The following PTGIS variants were observed in gnomAD, a reference collection of about 807,000 sequenced individuals.
PTGIS encodes prostacyclin synthase.
Under a neutral mutation model 50.3 loss-of-function variants are expected in PTGIS, and 45 were observed. The observed-to-expected ratio is 0.90, with a 90% CI of 0.70 to 1.15. The LOEUF (loss-of-function observed/expected upper bound fraction) is 1.15. Among genes scored for constraint, PTGIS ranks in the 50% most tolerant of loss-of-function variants. PTGIS has a pLI of 0.00. For synonymous variants in PTGIS, 260 were observed against 267.7 expected (o/e 0.97, Z 0.28); for missense variants, 668 against 661.3 (o/e 1.01, Z -0.11).
rs1981366566 is a variant in PTGIS, at chr20:49,513,092, G to A, written c.1194C>T (p.Tyr398=). The A allele has an allele frequency of 6.2e-7, 1 of 1,614,032 alleles. No homozygotes were observed. The highest frequency in any genetic ancestry group is 1.1e-5 in the South Asian group (1 of 91,078). The change falls in exon 8 of 10, where the codon TAC becomes TAT. Residue 398 remains tyrosine (Y), a synonymous_variant. Transcript: ENST00000244043. ...FLSPQRDPEI[Y]TDPEVFKYNR... is the part of the protein sequence containing the mutation. ...CCCTGCCATTTACCTCTGGGTCTGT[G>A]TAGATTTCTGGGTCTCTCTGGGGGC...
intron 5 of PTGIS, among the ~76,000 whole-genome samples, chr20:49,530,327 A>T (rs373653859): frequency 6.6e-6 from 1 of 152,154 alleles, no homozygotes. Flanking sequence ...CTGTTCATGC[A>T]CTGATGGACA....
chr20:49,515,921 C>A (rs1200213436), intron 6 of PTGIS, among the ~76,000 whole-genome samples: 4 of 152,000 alleles, frequency 2.6e-5, no homozygotes, highest in Non-Finnish European at 5.9e-5. Context: ...TGCTCTGTCA[C>A]CCAGGGTGGA....
intron 8 of PTGIS, among the ~76,000 whole-genome samples, chr20:49,512,401 ATTGG>A (rs1470669217): frequency 4.0e-5 from 6 of 151,072 alleles, no homozygotes; most frequent in African/African-American, 1.5e-4. Flanking sequence ...GAAAGGGTAA[ATTGG>A]TGGGTGGATG....
chr20:49,566,351 A>C (rs1315823189), intron 1 of PTGIS, among the ~76,000 whole-genome samples: 1 of 152,270 alleles, frequency 6.6e-6, no homozygotes, highest in East Asian at 1.9e-4. Context: ...TAGCAAAAAG[A>C]ACAGATGTCA....
intron 5 of PTGIS, among the ~76,000 whole-genome samples, chr20:49,526,800 T>G (rs745324595): frequency 3.9e-5 from 6 of 152,204 alleles, no homozygotes; most frequent in Non-Finnish European, 8.8e-5. Flanking sequence ...ACCATGAGGA[T>G]GGCTACTATT....
At chr20:49,551,332 C>A (rs1233354189) in intron 1 of PTGIS, among the ~76,000 whole-genome samples, 1 of 152,164 alleles carries the variant, frequency 6.6e-6, no homozygotes, top group Non-Finnish European at 1.5e-5. Context: ...TGATAAGAAA[C>A]CTTTACATCT....
At position 49,506,192 on chromosome 20, in the gene PTGIS, CT is replaced by C. The variant is rs1330654698; in HGVS notation, c.*1727del. ...GCAAGTCACCTCACCTCTCAGTTTT[CT>C]CATCTATGAAGTGGGCACAACCCTC... On this transcript the variant is annotated 3_prime_UTR_variant, in exon 10 of 10. Transcript: ENST00000244043. The C allele has an allele frequency of 1.3e-5, 2 of 152,448 alleles. No homozygotes were observed. Among genetic ancestry groups the C allele is most frequent in the African/African-American group, 4.8e-5 (2 of 41,438 alleles). The allele number at this position is 152,448 out of a possible 1,614,324, so 9.4% of individuals were successfully genotyped here.
At chr20:49,546,090 A>G (rs1398079478) in intron 3 of PTGIS, among the ~76,000 whole-genome samples, 2 of 152,186 alleles carry the variant, frequency 1.3e-5, no homozygotes, top group Non-Finnish European at 2.9e-5. Flanking sequence ...AGTGCTCAAT[A>G]CATGGGATCT....
intron 1 of PTGIS, among the ~76,000 whole-genome samples, chr20:49,567,130 GGGCTTCGGTCTTACCTATAACA>G (rs1982919265): frequency 6.6e-6 from 1 of 152,128 alleles, no homozygotes; most frequent in Admixed American, 6.5e-5. Flanking sequence ...GAGGGTTAAG[GGGCTTCGGTCTTACCTATAACA>G]GGATAAATAT....
intron 5 of PTGIS, among the ~76,000 whole-genome samples, chr20:49,532,504 G>T (rs555237855): frequency 1.6e-4 from 24 of 152,182 alleles, no homozygotes; most frequent in African/African-American, 5.8e-4. Context: ...CCTGTAAATT[G>T]GGATAATAAA....
intron 5 of PTGIS, among the ~76,000 whole-genome samples, chr20:49,531,123 A>T (rs913447177): frequency 6.6e-6 from 1 of 152,208 alleles, no homozygotes; most frequent in Non-Finnish European, 1.5e-5. Flanking sequence ...TTAACCCCAT[A>T]TCGGGTATGT....
intron 6 of PTGIS, among the ~76,000 whole-genome samples, chr20:49,518,243 T>C (rs1429291285): frequency 6.6e-6 from 1 of 152,110 alleles, no homozygotes; most frequent in Non-Finnish European, 1.5e-5. Context: ...AGGTCATAAA[T>C]TGTAACAAAT....
chr20:49,509,028 A>G (rs769248973), intron 9 of PTGIS, among the ~76,000 whole-genome samples: 2 of 152,224 alleles, frequency 1.3e-5, no homozygotes, highest in Non-Finnish European at 2.9e-5. Flanking sequence ...TGAAGGAGTG[A>G]AGAAGAGGGC....
chr20:49,552,135 T>C (rs1982525880), intron 1 of PTGIS, among the ~76,000 whole-genome samples: 1 of 151,808 alleles, frequency 6.6e-6, no homozygotes, highest in African/African-American at 2.4e-5. Flanking sequence ...CTGATTGTTT[T>C]TGTATTGCGT....
rs1347390467 is a variant in PTGIS, at chr20:49,506,922, C to T, written c.*998G>A. On this transcript the variant is annotated 3_prime_UTR_variant, in exon 10 of 10. Transcript: ENST00000244043. ...CCACTCAGCTCTGGCCAAGAGTTAC[C>T]CTTGGGAATGTGAGCCCAGTGTGGC... is the stretch of plus-strand genomic sequence containing the variant. The T allele has an allele frequency of 2.0e-5, 3 of 152,200 alleles. No homozygotes were observed. Among genetic ancestry groups the T allele is most frequent in the Admixed American group, 6.6e-5 (1 of 15,266 alleles). The allele number at this position is 152,200 out of a possible 1,614,324, so 9.4% of individuals were successfully genotyped here. A position where few individuals can be genotyped will look rare whatever the true frequency, so the allele number is the denominator to read the frequency against.
intron 6 of PTGIS, among the ~76,000 whole-genome samples, chr20:49,517,721 C>G (rs924882935): frequency 6.6e-6 from 1 of 152,220 alleles, no homozygotes; most frequent in African/African-American, 2.4e-5. Flanking sequence ...TTCACATGCT[C>G]CTTCTTGTTG....
chr20:49,551,957 C>T (rs1176289262), intron 1 of PTGIS, among the ~76,000 whole-genome samples: 1 of 151,932 alleles, frequency 6.6e-6, no homozygotes, highest in Non-Finnish European at 1.5e-5. Context: ...CCTGTCTCTC[C>T]TTCCTCTTGC....
At chr20:49,523,571 G>A (rs1206876575) in intron 6 of PTGIS, among the ~76,000 whole-genome samples, 1 of 152,174 alleles carries the variant, frequency 6.6e-6, no homozygotes, top group East Asian at 1.9e-4. Context: ...GAGGCAGGCA[G>A]ATCACTTGAG....
chr20:49,525,849 T>C (rs1981782540), intron 5 of PTGIS, among the ~76,000 whole-genome samples: 1 of 152,126 alleles, frequency 6.6e-6, no homozygotes, highest in Admixed American at 6.5e-5. Context: ...CCACCAGCGA[T>C]TCTAAACCTG....
Sources: gnomAD v4.1 joint callset for allele counts (sites outside exome capture counted in the v4.1 genomes callset) on GRCh38, gnomAD v4.1.1 for gene constraint, MANE v1.5 for transcripts, NCBI Gene and HGNC (gene_info 2026-07-23, HGNC 2026-07-21) for gene names.